ALDH1L2: variants seen among roughly 807,000 people sequenced by gnomAD.
ALDH1L2 encodes the protein mitochondrial 10-formyltetrahydrofolate dehydrogenase.
ALDH1L2 carries 91 observed loss-of-function variants against 111.0 expected under a neutral mutation model. The ratio of observed to expected loss-of-function variants is 0.82; its 90% CI spans 0.69 to 0.98. The LOEUF is 0.98. ALDH1L2 is among the 50% of genes least tolerant of loss of function. The pLI is 0.00. For missense variants in ALDH1L2, 995 were observed against 1,126.8 expected, an observed-to-expected ratio of 0.88 and a Z score of 1.67; for synonymous variants, 374 against 392.6, an observed-to-expected ratio of 0.95 and a Z score of 0.56.
Position 105,026,546 on chromosome 12 carries a change from TAAGTCTTTTCCA to T in ALDH1L2, c.2703_2714del (p.Phe901_Asp904del). 1.2e-6 allele frequency: 2 copies of T among 1,614,100 alleles called. No individual in the cohort carries two copies. The highest frequency in any genetic ancestry group is 1.7e-6 in the Non-Finnish European group (2 of 1,180,008). On this transcript the variant is annotated inframe_deletion and splice_region_variant, in exon 22 of 23. Coordinates refer to ENST00000258494, the MANE Select transcript of ALDH1L2 (RefSeq NM_001034173.4). Reference sequence around the variant, plus strand: ...TGAAGCAGAAAAGTAAAGCCATACCTAAGTCTTTTCCAAAGCCAGATTGTTTAACTCCGCCAA... The same window carrying T: ...TGAAGCAGAAAAGTAAAGCCATACCTAAGCCAGATTGTTTAACTCCGCCAA...
At chr12:105,083,754 G>A (rs746601351) in intron 1 of ALDH1L2, among the ~76,000 whole-genome samples, 1 of 152,146 alleles carries the variant, frequency 6.6e-6, no homozygotes, top group Non-Finnish European at 1.5e-5. Context: ...AAGGCGCGGG[G>A]CTGGGCCAGA....
chr12:105,044,007 G>A (rs1875692516), intron 15 of ALDH1L2, among the ~76,000 whole-genome samples: 1 of 152,162 alleles, frequency 6.6e-6, no homozygotes, highest in Non-Finnish European at 1.5e-5. Context: ...TTCACACAGA[G>A]CCCTAATATT....
In ALDH1L2 at chr12:105,026,600, T is replaced by C; in HGVS notation, c.2661A>G (p.Thr887=). 1 of 1,614,186 alleles carries C rather than the reference T, an allele frequency of 6.2e-7. No homozygotes were observed. Among genetic ancestry groups the C allele is most frequent in the Non-Finnish European group, 8.5e-7 (1 of 1,180,022 alleles). The change falls in exon 22 of 23, where the codon ACA becomes ACG. Residue 887 remains threonine (T), a synonymous_variant. Transcript: ENST00000258494. ...GTVFINTYNK[T]DVAAPFGGVK... ...CTCCGCCAAATGGGGCCGCCACATC[T>C]GTCTTGTTGTATGTGTTAATAAAAA...
chr12:105,058,927 T>C (rs1876807293), intron 9 of ALDH1L2, among the ~76,000 whole-genome samples: 1 of 151,432 alleles, frequency 6.6e-6, no homozygotes. Context: ...AAACAGAAAA[T>C]GAGTAATTCC....
chr12:105,024,437 G>A lies in ALDH1L2; in HGVS notation c.2759C>T (p.Thr920Ile). ...LNEYLKTKTV[T>I]LEY ...GATGGTGTTGCTCTAATATTCCAGTGTCACCGTCTTGGTTTTGAGATATTC... is the reference window on the plus strand; with the variant it reads ...GATGGTGTTGCTCTAATATTCCAGTATCACCGTCTTGGTTTTGAGATATTC... The change falls in exon 23 of 23, where the codon ACA becomes ATA. Residue 920 changes from threonine to isoleucine, a missense_variant. Transcript: ENST00000258494. 11 of 1,614,038 alleles carry A rather than the reference G, an allele frequency of 6.8e-6. No homozygotes were observed. Among genetic ancestry groups the A allele is most frequent in the Non-Finnish European group, 9.3e-6 (11 of 1,179,956 alleles).
chr12:105,067,043 C>G (rs1341574529), intron 4 of ALDH1L2, among the ~76,000 whole-genome samples: 2 of 151,780 alleles, frequency 1.3e-5, no homozygotes, highest in East Asian at 1.9e-4. Flanking sequence ...GGTGAAACCC[C>G]GTCTCTACTA....
chr12:105,041,538 A>G (rs1011184049), intron 15 of ALDH1L2, among the ~76,000 whole-genome samples: 1 of 152,250 alleles, frequency 6.6e-6, no homozygotes, highest in African/African-American at 2.4e-5. Flanking sequence ...TGTAGTTAAC[A>G]AATATTTTGT....
intron 19 of ALDH1L2, among the ~76,000 whole-genome samples, chr12:105,032,995 C>T (rs1259076403): frequency 6.6e-6 from 1 of 152,222 alleles, no homozygotes; most frequent in Non-Finnish European, 1.5e-5. Context: ...TTCCACTCCT[C>T]AGTTATCTTA....
intron 13 of ALDH1L2, 114 bp from the exon 14 acceptor site, chr12:105,047,083 A>G: frequency 8.3e-7 from 1 of 1,208,872 alleles, no homozygotes; most frequent in Non-Finnish European, 1.2e-6. Context: ...ATATGAAAAG[A>G]GCGTTTGTTG....
intron 15 of ALDH1L2, among the ~76,000 whole-genome samples, chr12:105,041,101 C>T (rs556883433): frequency 9.5e-4 from 145 of 152,312 alleles, no homozygotes; most frequent in African/African-American, 3.3e-3. Flanking sequence ...TCATCAAAAT[C>T]AGGAGATTAA....
chr12:105,080,492 T>C (rs186634466), intron 1 of ALDH1L2, among the ~76,000 whole-genome samples: 2 of 152,314 alleles, frequency 1.3e-5, no homozygotes, highest in Admixed American at 6.5e-5. Context: ...TCCTTGAAAA[T>C]GGGACTATTT....
chr12:105,036,234 CACGTATATTTATATAT>C (rs2136054486), intron 18 of ALDH1L2, among the ~76,000 whole-genome samples: 1 of 35,772 alleles, frequency 2.8e-5, no homozygotes, highest in South Asian at 1.4e-3. Context: ...ATAATATATA[CACGTATATTTATATAT>C]GTGTATATAA....
intron 11 of ALDH1L2, 107 bp downstream of exon 11, chr12:105,052,705 G>A (rs1876362891): frequency 1.5e-6 from 2 of 1,363,956 alleles, no homozygotes; most frequent in Admixed American, 4.3e-5. Context: ...GTACTTAGAG[G>A]CAGAGTGAGA....
rs747777727 is a variant in ALDH1L2, at chr12:105,049,697, C to T, written c.1686+211G>A. The T allele has an allele frequency of 5.7e-4, 268 of 472,690 alleles. 1 individual carries two copies. The highest frequency in any genetic ancestry group is 8.2e-4 in the Non-Finnish European group (242 of 294,938). The allele number at this position is 472,690 out of a possible 1,614,324, so 29.3% of individuals were successfully genotyped here. On this transcript the variant is annotated intron_variant, in intron 13 of 22. Coordinates refer to ENST00000258494, the MANE Select transcript of ALDH1L2 (RefSeq NM_001034173.4). ...GCTGACACCTTTATCTTAGACTTCC[C>T]GGCCTCCAGAACTGTAAGAGAATAA...
At position 105,024,138 on chromosome 12, in the gene ALDH1L2, C is replaced by T. The variant is rs1874295191; in HGVS notation, c.*286G>A. ...GTACTGACATCTTCAAGATGGGAACCATGAATAGATTTGTCTAGGTAGGGG... is the reference window on the plus strand; with the variant it reads ...GTACTGACATCTTCAAGATGGGAACTATGAATAGATTTGTCTAGGTAGGGG... On this transcript the variant is annotated 3_prime_UTR_variant, in exon 23 of 23. Coordinates refer to ENST00000258494, the MANE Select transcript of ALDH1L2 (RefSeq NM_001034173.4). The T allele has an allele frequency of 2.0e-6, 1 of 503,288 alleles. No homozygotes were observed. Among genetic ancestry groups the T allele is most frequent in the Non-Finnish European group, 3.6e-6 (1 of 280,272 alleles). 31.2% of individuals were successfully genotyped at this position (503,288 alleles called of 1,614,324 possible).
intron 10 of ALDH1L2, among the ~76,000 whole-genome samples, chr12:105,055,291 T>C (rs1425198260): frequency 6.6e-6 from 1 of 152,184 alleles, no homozygotes; most frequent in African/African-American, 2.4e-5. Context: ...AGAAAATCTA[T>C]GCCCAATCAT....
At chr12:105,053,866 A>G (rs1876449430) in intron 10 of ALDH1L2, among the ~76,000 whole-genome samples, 1 of 151,332 alleles carries the variant, frequency 6.6e-6, no homozygotes, top group Admixed American at 6.6e-5. Context: ...TTATTATATA[A>G]TATTATTACC....
intron 12 of ALDH1L2, 62 bp downstream of exon 12, chr12:105,052,028 T>C: frequency 2.9e-6 from 4 of 1,373,914 alleles, no homozygotes; most frequent in Non-Finnish European, 3.8e-6. Context: ...GCCAACGTAG[T>C]GAACCCCTGT....
rs1875423390 is a variant in ALDH1L2, at chr12:105,039,955, CCTGTCACTACT to C, written c.1952-160_1952-150del. The C allele has an allele frequency of 4.7e-6, 3 of 633,350 alleles. No homozygotes were observed. In the East Asian group the frequency reaches 8.7e-5, roughly 18 times the overall value. 39.2% of individuals were successfully genotyped at this position (633,350 alleles called of 1,614,324 possible). A position where few individuals can be genotyped will look rare whatever the true frequency, so the allele number is the denominator to read the frequency against. On this transcript the variant is annotated intron_variant, in intron 16 of 22. Transcript: ENST00000258494. The stretch of plus-strand genomic sequence containing the variant: ...ACCCGCCTGACCACCATGGTGAAAC[CCTGTCACTACT>C]AAAAATATAAAAATTAGCCAGGCAT...
Sources: allele counts gnomAD v4.1 joint callset (sites outside exome capture counted in the v4.1 genomes callset), GRCh38; gene constraint gnomAD v4.1.1; transcripts MANE v1.5; gene names NCBI Gene and HGNC (gene_info 2026-07-23, HGNC 2026-07-21).